ADAM22: variants seen among roughly 807,000 people sequenced by gnomAD.
ADAM22 encodes the protein disintegrin and metalloproteinase domain-containing protein 22.
Under a neutral mutation model 144.6 loss-of-function variants are expected in ADAM22, and 65 were observed. That is an observed-to-expected ratio of 0.45 (90% CI 0.37 to 0.55). The LOEUF is 0.55. ADAM22 is among the 20% of genes least tolerant of loss of function. The probability of loss-of-function intolerance (pLI) is 0.00; values close to 1 mark genes in which losing one functional copy is unlikely to be tolerated. For missense variants in ADAM22, 974 were observed against 1,184.9 expected (o/e 0.82, Z 2.61); for synonymous variants, 391 against 412.6 (o/e 0.95, Z 0.63).
At chr7:88,148,745 T>A (rs762352832) in intron 17 of ADAM22, among the ~76,000 whole-genome samples, 3 of 152,168 alleles carry the variant, frequency 2.0e-5, no homozygotes, top group Non-Finnish European at 4.4e-5. Context: ...TTTAGCAGTA[T>A]AATATAAGGC....
At chr7:88,184,366 GCT>G (rs1847813690) in intron 29 of ADAM22, 1 of 437,736 alleles carries the variant, frequency 2.3e-6, no homozygotes, top group Admixed American at 2.5e-5. Context: ...AGCCCAGGGG[GCT>G]CTGACAGCCC....
At chr7:88,115,850 T>C (rs1827630990) in intron 6 of ADAM22, among the ~76,000 whole-genome samples, 1 of 152,204 alleles carries the variant, frequency 6.6e-6, no homozygotes, top group Non-Finnish European at 1.5e-5. Context: ...TAATCCTGTC[T>C]CTCACTTTAG....
chr7:88,156,118 C>T (rs769463242), intron 22 of ADAM22, 112 bp downstream of exon 22: 49 of 1,201,200 alleles, frequency 4.1e-5, no homozygotes, highest in African/African-American at 1.2e-4. Flanking sequence ...GAAATATAAT[C>T]TAGTCTATAG....
chr7:87,955,831 GT>G (rs1220216565), intron 2 of ADAM22, among the ~76,000 whole-genome samples: 1 of 152,182 alleles, frequency 6.6e-6, no homozygotes. Flanking sequence ...CTGGGCAATG[GT>G]GGGCGCCCCT....
At chr7:88,128,502 A>G in intron 8 of ADAM22, 100 bp from the exon 9 acceptor site, 2 of 948,076 alleles carry the variant, frequency 2.1e-6, no homozygotes, top group Non-Finnish European at 3.4e-6. Context: ...AGGAATAAAA[A>G]GGGAAAATTT....
rs61053925 is a variant in ADAM22 at position 88,162,097 on chromosome 7, T to TACACACACACACACACACACACACACAC, written c.1908-906_1908-879dup. ...CAGACTGGATAAAGAAAATGTGTAA[T>TACACACACACACACACACACACACACAC]ACACACACACACACACACACACACA... On this transcript the variant is annotated intron_variant, in intron 22 of 31. Coordinates refer to ENST00000413139, the MANE Select transcript of ADAM22 (RefSeq NM_001324418.2). 6.6e-4 allele frequency among the ~76,000 whole-genome samples: 90 copies of TACACACACACACACACACACACACACAC among 136,826 alleles called. 1 individual carries two copies. The highest frequency in any genetic ancestry group is 2.2e-3 in the African/African-American group (77 of 35,808). 89.8% of individuals were successfully genotyped at this position (136,826 alleles called of 152,430 possible).
intron 16 of ADAM22, 97 bp downstream of exon 16, chr7:88,145,293 T>G: frequency 6.7e-7 from 1 of 1,497,544 alleles, no homozygotes; most frequent in Non-Finnish European, 9.2e-7. Flanking sequence ...ATGCCTGGAA[T>G]TTTATAGGAT....
At chr7:88,086,001 C>G (rs1201333911) in intron 4 of ADAM22, among the ~76,000 whole-genome samples, 1 of 151,984 alleles carries the variant, frequency 6.6e-6, no homozygotes, top group African/African-American at 2.4e-5. Flanking sequence ...ACGGTGAAAC[C>G]CCGTCTCTAC....
intron 3 of ADAM22, among the ~76,000 whole-genome samples, chr7:88,045,891 TGTGTGTGTG>T (rs1563096286): frequency 7.7e-5 from 5 of 64,764 alleles, no homozygotes; most frequent in African/African-American, 2.3e-4. Flanking sequence ...TATTCTATTG[TGTGTGTGTG>T]TGTGTGTGTG....
At chr7:88,180,565 A>T (rs975539694) in intron 27 of ADAM22, among the ~76,000 whole-genome samples, 11 of 152,034 alleles carry the variant, frequency 7.2e-5, no homozygotes, top group Non-Finnish European at 1.2e-4. Context: ...CATTAACCAG[A>T]TTCCATTAAC....
intron 2 of ADAM22, among the ~76,000 whole-genome samples, chr7:87,941,187 C>T (rs1228986990): frequency 6.6e-6 from 1 of 152,170 alleles, no homozygotes; most frequent in Non-Finnish European, 1.5e-5. Context: ...GGCTCTTTCC[C>T]TAGGAAGTGT....
chr7:88,070,371 G>A (rs528053250), intron 3 of ADAM22, among the ~76,000 whole-genome samples: 2 of 152,246 alleles, frequency 1.3e-5, no homozygotes, highest in Non-Finnish European at 2.9e-5. Context: ...TTACATAGAT[G>A]ATTTGGTAAA....
At chr7:88,112,719 T>A (rs7809682) in intron 5 of ADAM22, among the ~76,000 whole-genome samples, 1,553 of 152,250 alleles carry the variant, frequency 0.01, 26 homozygotes, top group African/African-American at 0.035. Context: ...TTTTTTATTT[T>A]TAAAGAAATA....
At chr7:87,987,554 C>A (rs900437157) in intron 3 of ADAM22, among the ~76,000 whole-genome samples, 7 of 152,122 alleles carry the variant, frequency 4.6e-5, no homozygotes, top group African/African-American at 1.7e-4. Context: ...GGGAACTTTG[C>A]CAGGTTTGAC....
chr7:88,088,510 G>GAAAAAAAA (rs11404353), intron 4 of ADAM22, among the ~76,000 whole-genome samples: 1 of 146,288 alleles, frequency 6.8e-6, no homozygotes, highest in African/African-American at 2.5e-5. Context: ...TCAATGACAG[G>GAAAAAAAA]AAAAAAAAAA....
At position 88,172,468 on chromosome 7, in the gene ADAM22, C is replaced by T. The variant is rs9649108; in HGVS notation, c.2300+907C>T. Reference sequence around the variant, plus strand: ...CAGATTCCTATTTACTTAACCTTTTCCATTGTTGAGTTGCATGCTTGTGAC... The same window carrying T: ...CAGATTCCTATTTACTTAACCTTTTTCATTGTTGAGTTGCATGCTTGTGAC... On this transcript the variant is annotated intron_variant, in intron 26 of 31. Transcript: ENST00000413139. Among the ~76,000 whole-genome samples the T allele has an allele frequency of 4.7e-3, 717 of 151,964 alleles. 5 individuals carry two copies. The highest frequency in any genetic ancestry group is 8.1e-3 in the Non-Finnish European group (550 of 67,806).
chr7:88,116,699 T>A, intron 6 of ADAM22, 46 bp from the exon 7 acceptor site: 5 of 1,498,056 alleles, frequency 3.3e-6, no homozygotes, highest in Non-Finnish European at 4.6e-6. Flanking sequence ...AGGCTGGAGA[T>A]AATCCTGTTG....
intron 3 of ADAM22, among the ~76,000 whole-genome samples, chr7:88,007,852 G>T (rs1794334557): frequency 6.6e-6 from 1 of 152,164 alleles, no homozygotes; most frequent in Non-Finnish European, 1.5e-5. Flanking sequence ...AGGACTTCAT[G>T]TCTAAAACAC....
intron 7 of ADAM22, among the ~76,000 whole-genome samples, chr7:88,118,177 C>T (rs573186308): frequency 2.0e-4 from 31 of 152,136 alleles, no homozygotes; most frequent in Non-Finnish European, 3.1e-4. Context: ...CAGAGGGAAA[C>T]GGAGTAATCC....
Sources: allele counts gnomAD v4.1 joint callset (sites outside exome capture counted in the v4.1 genomes callset), GRCh38; gene constraint gnomAD v4.1.1; transcripts MANE v1.5; gene names NCBI Gene and HGNC (gene_info 2026-07-23, HGNC 2026-07-21).